OR10J1: variants seen among roughly 807,000 people sequenced by gnomAD.
OR10J1 encodes the protein olfactory receptor family 10 subfamily J member 1, also known as olfactory receptor 10J1.
For synonymous variants in OR10J1, 202 were observed against 143.8 expected, an observed-to-expected ratio of 1.40 and a Z score of -2.89; for missense variants, 474 against 376.6, an observed-to-expected ratio of 1.26 and a Z score of -2.14.
At chr1:159,425,426 CTAAA>C in the OR10J1 span, among the ~76,000 whole-genome samples, 8 of 151,918 alleles carry the variant, frequency 5.3e-5, no homozygotes, top group Non-Finnish European at 8.8e-5. Context: ...AACTAGAAGG[CTAAA>C]TAAATAACTA....
the OR10J1 span, among the ~76,000 whole-genome samples, chr1:159,422,105 A>G: frequency 1.3e-5 from 2 of 152,056 alleles, no homozygotes; most frequent in Non-Finnish European, 2.9e-5. Context: ...TTGACCTCAG[A>G]CCCCAACAGT....
At chr1:159,401,574 A>G in the OR10J1 span, among the ~76,000 whole-genome samples, 9 of 152,142 alleles carry the variant, frequency 5.9e-5, no homozygotes, top group East Asian at 1.7e-3. Flanking sequence ...ACCTGAGCAG[A>G]TAAATAACAA....
chr1:159,425,490 T>G, the OR10J1 span, among the ~76,000 whole-genome samples: 1 of 152,112 alleles, frequency 6.6e-6, no homozygotes, highest in African/African-American at 2.4e-5. Flanking sequence ...TGTATCTAAC[T>G]GTATCTATAG....
At chr1:159,399,600 A>C in the OR10J1 span, among the ~76,000 whole-genome samples, 1 of 150,946 alleles carries the variant, frequency 6.6e-6, no homozygotes, top group Admixed American at 6.6e-5. Flanking sequence ...AAAAAGAAAG[A>C]AATGCTGAAG....
At chr1:159,403,395 A>C in the OR10J1 span, among the ~76,000 whole-genome samples, 2 of 151,132 alleles carry the variant, frequency 1.3e-5, no homozygotes, top group Non-Finnish European at 2.9e-5. Context: ...CAAATGTGTA[A>C]GGAGCACAAA....
the OR10J1 span, among the ~76,000 whole-genome samples, chr1:159,412,621 A>G: frequency 6.6e-6 from 1 of 151,160 alleles, no homozygotes; most frequent in Non-Finnish European, 1.5e-5. Flanking sequence ...TGCTGGGAAA[A>G]CTGGCTAGCC....
At chr1:159,411,220 G>C in the OR10J1 span, among the ~76,000 whole-genome samples, 1 of 152,132 alleles carries the variant, frequency 6.6e-6, no homozygotes, top group Non-Finnish European at 1.5e-5. Flanking sequence ...AGGTTCACTT[G>C]GTGCAGAGCT....
upstream of OR10J1, chr1:159,439,580 G>A (rs1655842535): frequency 1.8e-5 from 11 of 628,114 alleles, no homozygotes; most frequent in Admixed American, 2.9e-5. Context: ...ATTCTATGAT[G>A]CATGGAAAAT....
chr1:159,406,214 G>C, the OR10J1 span: 1 of 525,960 alleles, frequency 1.9e-6, no homozygotes, highest in African/African-American at 2.0e-5. Flanking sequence ...TGAATGTCCA[G>C]GCGAGTAATG....
the OR10J1 span, among the ~76,000 whole-genome samples, chr1:159,409,349 C>T: frequency 3.3e-5 from 5 of 152,064 alleles, no homozygotes; most frequent in East Asian, 1.9e-4. Flanking sequence ...AACCCATCTC[C>T]GCTTTGTTTT....
the OR10J1 span, among the ~76,000 whole-genome samples, chr1:159,426,298 T>G: frequency 6.6e-6 from 1 of 151,894 alleles, no homozygotes; most frequent in Non-Finnish European, 1.5e-5. Flanking sequence ...CCACTTCAAT[T>G]TTTTAAAATG....
At position 159,439,920 on chromosome 1, in the gene OR10J1, C is replaced by T. The variant is rs80068748; in HGVS notation, c.129C>T (p.Ile43=). 3 of 1,614,010 alleles carry T rather than the reference C, an allele frequency of 1.9e-6. No individual in the cohort carries two copies. The East Asian group carries it at 6.7e-5, about 36-fold the overall frequency. Residue 43 remains isoleucine, a synonymous_variant, in exon 1 of 1, where the codon ATC becomes ATT. Transcript: ENST00000423932. ...ACATCTTAACCTTAGCAGGCAATAT[C>T]ATCATTGTGACCATCATCCGAATGG... ...ALYILTLAGN[I]IIVTIIRMDL...
At chr1:159,401,154 G>C in the OR10J1 span, among the ~76,000 whole-genome samples, 1 of 150,522 alleles carries the variant, frequency 6.6e-6, no homozygotes, top group Non-Finnish European at 1.5e-5. Context: ...AAAAAAAAAA[G>C]AGAAAAAACT....
At chr1:159,411,379 C>G in the OR10J1 span, among the ~76,000 whole-genome samples, 1 of 152,088 alleles carries the variant, frequency 6.6e-6, no homozygotes, top group Non-Finnish European at 1.5e-5. Context: ...AATCTGGGTG[C>G]TCCTGTATTG....
the OR10J1 span, among the ~76,000 whole-genome samples, chr1:159,428,174 C>T: frequency 6.6e-6 from 1 of 151,918 alleles, no homozygotes; most frequent in Non-Finnish European, 1.5e-5. Context: ...TATTTCATAA[C>T]CAAATGCAAT....
chr1:159,432,231 A>T, the OR10J1 span: 26 of 400,876 alleles, frequency 6.5e-5, no homozygotes, highest in Non-Finnish European at 1.0e-4. Context: ...CATGGCTGTG[A>T]CAGAGTTTAC....
chr1:159,425,856 A>G, the OR10J1 span, among the ~76,000 whole-genome samples: 1 of 152,018 alleles, frequency 6.6e-6, no homozygotes, highest in African/African-American at 2.4e-5. Context: ...ATATAACAGA[A>G]ACATAAAGAT....
upstream of OR10J1, among the ~76,000 whole-genome samples, chr1:159,437,102 A>T (rs1173254583): frequency 1.3e-5 from 2 of 152,240 alleles, no homozygotes; most frequent in Non-Finnish European, 1.5e-5. Context: ...CATGGAAAGT[A>T]TTCAGTGAGA....
chr1:159,440,303 GA>G lies in OR10J1; in HGVS notation c.515del (p.Lys172ArgfsTer12). The G allele has an allele frequency of 6.2e-7, 1 of 1,614,196 alleles. No individual in the cohort carries two copies. Among genetic ancestry groups the G allele is most frequent in the South Asian group, 1.1e-5 (1 of 91,090 alleles). ...GTATTCAGGTTACCCTTCTGTGCTA[GA>G]AAGGTGCCCCACTTCTTCTGTGACA... ...TSVFRLPFCA[R>X]KVPHFFCDIR... On this transcript the variant is annotated frameshift_variant, in exon 1 of 1. Coordinates refer to ENST00000423932, the MANE Select transcript of OR10J1 (RefSeq NM_012351.3). LOFTEE classifies it low-confidence loss of function (END_TRUNC).
Sources: allele counts gnomAD v4.1 joint callset (sites outside exome capture counted in the v4.1 genomes callset), GRCh38; gene constraint gnomAD v4.1.1; transcripts MANE v1.5; gene names NCBI Gene and HGNC (gene_info 2026-07-23, HGNC 2026-07-21).